Variants in RORB observed in about 807,000 individuals in gnomAD.
The protein encoded by RORB is nuclear receptor ROR-beta.
Under a neutral mutation model 59.1 loss-of-function variants are expected in RORB, and 6 were observed. The observed-to-expected ratio is 0.10, with a 90% CI of 0.06 to 0.20. The LOEUF is 0.20. RORB is among the 10% of genes least tolerant of loss of function. The pLI is 1.00. For synonymous variants in RORB, 215 were observed against 204.5 expected, an observed-to-expected ratio of 1.05 and a Z score of -0.44; for missense variants, 320 against 560.5, an observed-to-expected ratio of 0.57 and a Z score of 4.33.
chr9:74,589,355 C>G (rs946475237), intron 1 of RORB, among the ~76,000 whole-genome samples: 1 of 152,062 alleles, frequency 6.6e-6, no homozygotes, highest in Non-Finnish European at 1.5e-5. Flanking sequence ...ACACAGGTTC[C>G]CACCTCTCTC....
At chr9:74,528,417 C>T (rs528360910) in intron 1 of RORB, among the ~76,000 whole-genome samples, 4 of 152,146 alleles carry the variant, frequency 2.6e-5, no homozygotes, top group Non-Finnish European at 5.9e-5. Context: ...AATCTCTCCT[C>T]GCACAGCCGT....
At chr9:74,639,027 A>C (rs1362810567) in intron 3 of RORB, among the ~76,000 whole-genome samples, 1 of 152,218 alleles carries the variant, frequency 6.6e-6, no homozygotes, top group East Asian at 1.9e-4. Context: ...TACCCATGGC[A>C]GAGGTCTTGG....
chr9:74,648,739 A>G (rs1484782424), intron 4 of RORB, among the ~76,000 whole-genome samples: 1 of 152,138 alleles, frequency 6.6e-6, no homozygotes, highest in African/African-American at 2.4e-5. Context: ...CAATAAAAAC[A>G]AGAAATCAGA....
At position 74,630,508 on chromosome 9, in the gene RORB, G is replaced by A. The variant is rs1823598292; in HGVS notation, c.93+141G>A. ...TGACATTCAGGAATTCTTGCGTGGT[G>A]GGTGGGAGGGTTGATTTTCTGGTCT... is the stretch of plus-strand genomic sequence containing the variant. On this transcript the variant is annotated intron_variant, in intron 2 of 9. Coordinates refer to ENST00000376896, the MANE Select transcript of RORB (RefSeq NM_006914.4). 1.0e-5 allele frequency: 5 copies of A among 498,798 alleles called. No homozygotes were observed. In the South Asian group the frequency reaches 1.9e-4, roughly 19 times the overall value. The allele number at this position is 498,798 out of a possible 1,614,324, so 30.9% of individuals were successfully genotyped here.
intron 1 of RORB, among the ~76,000 whole-genome samples, chr9:74,576,202 C>A (rs1822632400): frequency 6.6e-6 from 1 of 152,096 alleles, no homozygotes; most frequent in Non-Finnish European, 1.5e-5. Flanking sequence ...TACCTTGAGA[C>A]TTCTGGTAAT....
intron 1 of RORB, among the ~76,000 whole-genome samples, chr9:74,550,218 A>C (rs1826586104): frequency 6.6e-6 from 1 of 152,210 alleles, no homozygotes; most frequent in Non-Finnish European, 1.5e-5. Context: ...TTTTCACTTA[A>C]AGAAGAAAAA....
chr9:74,677,930 TA>T (rs2118563234), intron 9 of RORB, among the ~76,000 whole-genome samples: 1 of 152,238 alleles, frequency 6.6e-6, no homozygotes, highest in African/African-American at 2.4e-5. Flanking sequence ...ATATGCAAGA[TA>T]AATAAACATA....
chr9:74,529,396 T>C (rs1826201775), intron 1 of RORB, among the ~76,000 whole-genome samples: 1 of 151,772 alleles, frequency 6.6e-6, no homozygotes, highest in Non-Finnish European at 1.5e-5. Flanking sequence ...AATAATTTAG[T>C]TCTTAACCAT....
intron 1 of RORB, among the ~76,000 whole-genome samples, chr9:74,539,603 G>A (rs1044774112): frequency 4.6e-5 from 7 of 152,146 alleles, no homozygotes; most frequent in South Asian, 4.1e-4. Context: ...CTCATAGAGC[G>A]TTTTGTTCAT....
At chr9:74,510,697 A>G (rs1563924566) in intron 1 of RORB, among the ~76,000 whole-genome samples, 1 of 152,220 alleles carries the variant, frequency 6.6e-6, no homozygotes, top group Non-Finnish European at 1.5e-5. Flanking sequence ...AAAATATAAA[A>G]GAGTGCTTTT....
intron 7 of RORB, 44 bp downstream of exon 7, chr9:74,665,639 C>T (rs1440668297): frequency 8.4e-7 from 1 of 1,194,848 alleles, no homozygotes. Context: ...TAGCCACCAT[C>T]AGTTTCTCCA....
intron 9 of RORB, among the ~76,000 whole-genome samples, chr9:74,684,406 C>G (rs1824602071): frequency 6.6e-6 from 1 of 152,122 alleles, no homozygotes. Flanking sequence ...GCCATATGAG[C>G]TATCATGCCT....
chr9:74,556,871 C>G (rs1331888193), intron 1 of RORB, among the ~76,000 whole-genome samples: 7 of 152,106 alleles, frequency 4.6e-5, no homozygotes, highest in African/African-American at 1.7e-4. Context: ...AGCTGAAACC[C>G]AGAAATTTTG....
At chr9:74,625,503 A>T (rs1823497088) in intron 1 of RORB, among the ~76,000 whole-genome samples, 1 of 152,128 alleles carries the variant, frequency 6.6e-6, no homozygotes, top group African/African-American at 2.4e-5. Context: ...AGTCCCAGAT[A>T]CTCAGGAGGC....
chr9:74,653,361 G>A (rs1315989759), intron 4 of RORB, among the ~76,000 whole-genome samples: 1 of 152,110 alleles, frequency 6.6e-6, no homozygotes, highest in Non-Finnish European at 1.5e-5. Context: ...AGAGAATTCA[G>A]TGGTACTCTA....
chr9:74,614,056 G>T (rs960659044), intron 1 of RORB, among the ~76,000 whole-genome samples: 2 of 152,114 alleles, frequency 1.3e-5, no homozygotes, highest in South Asian at 2.1e-4. Flanking sequence ...ATGTGTCTTT[G>T]GTAGAATGAT....
At chr9:74,630,159 C>G (rs1332999544) in intron 1 of RORB, 123 bp from the exon 2 acceptor site, 3 of 1,307,460 alleles carry the variant, frequency 2.3e-6, no homozygotes, top group Admixed American at 2.5e-5. Flanking sequence ...CCCACACCAC[C>G]GCTCACACCC....
chr9:74,659,131 T>A (rs1056084293), intron 4 of RORB, among the ~76,000 whole-genome samples: 2 of 152,192 alleles, frequency 1.3e-5, no homozygotes, highest in Non-Finnish European at 2.9e-5. Context: ...GGGCTACCAT[T>A]TATTCAGTGT....
At chr9:74,590,823 G>A (rs565596197) in intron 1 of RORB, among the ~76,000 whole-genome samples, 22 of 151,974 alleles carry the variant, frequency 1.4e-4, no homozygotes, top group Non-Finnish European at 2.1e-4. Flanking sequence ...ACAGAGTCTC[G>A]TTCTGTCACC....
Sources: allele counts gnomAD v4.1 joint callset (sites outside exome capture counted in the v4.1 genomes callset), GRCh38; gene constraint gnomAD v4.1.1; transcripts MANE v1.5; gene names NCBI Gene and HGNC (gene_info 2026-07-23, HGNC 2026-07-21).